MRPL48: variants seen among roughly 807,000 people sequenced by gnomAD.
The protein encoded by MRPL48 is mitochondrial ribosomal protein L48, also known as large ribosomal subunit protein mL48.
Under a neutral mutation model 32.9 loss-of-function variants are expected in MRPL48, and 16 were observed. The observed-to-expected ratio is 0.49, with a 90% CI of 0.33 to 0.74. The LOEUF is 0.74. MRPL48 is among the 30% of genes least tolerant of loss of function. The pLI is 0.02. For missense variants in MRPL48, 206 were observed against 245.3 expected (o/e 0.84, Z 1.07); for synonymous variants, 94 against 89.2 (o/e 1.05, Z -0.31).
chr11:73,851,659 G>A (rs1330712573), intron 5 of MRPL48, among the ~76,000 whole-genome samples: 1 of 152,052 alleles, frequency 6.6e-6, no homozygotes, highest in Non-Finnish European at 1.5e-5. Flanking sequence ...CCTTCTGGAT[G>A]GGGACTGTGT....
At chr11:73,798,427 C>A (rs550399580) in intron 1 of MRPL48, among the ~76,000 whole-genome samples, 2 of 152,158 alleles carry the variant, frequency 1.3e-5, no homozygotes, top group South Asian at 4.2e-4. Context: ...CTTGAGAAAA[C>A]CTGGAGGCAA....
At chr11:73,847,695 C>T (rs1399556765) in intron 5 of MRPL48, among the ~76,000 whole-genome samples, 3 of 152,248 alleles carry the variant, frequency 2.0e-5, no homozygotes, top group African/African-American at 4.8e-5. Flanking sequence ...CTGCCCGCTT[C>T]GGCCTCCCAA....
At chr11:73,824,311 C>A (rs1001963445) in intron 3 of MRPL48, among the ~76,000 whole-genome samples, 1 of 151,308 alleles carries the variant, frequency 6.6e-6, no homozygotes, top group African/African-American at 2.4e-5. Context: ...ACTGTATGGC[C>A]GGGCGCGGTG....
intron 5 of MRPL48, among the ~76,000 whole-genome samples, chr11:73,846,355 G>A (rs779074286): frequency 6.6e-6 from 1 of 151,804 alleles, no homozygotes; most frequent in Non-Finnish European, 1.5e-5. Flanking sequence ...GTCTCACTCT[G>A]TCACCCATGC....
chr11:73,852,968 TTATGTTAAGTGAA>T (rs1948426409), intron 5 of MRPL48, among the ~76,000 whole-genome samples: 1 of 152,200 alleles, frequency 6.6e-6, no homozygotes, highest in African/African-American at 2.4e-5. Context: ...CTGGAGGTTA[TTATGTTAAGTGAA>T]ATAAGCCAGG....
intron 3 of MRPL48, among the ~76,000 whole-genome samples, chr11:73,818,804 TC>T (rs1457128790): frequency 2.6e-5 from 4 of 152,224 alleles, no homozygotes; most frequent in Admixed American, 1.3e-4. Context: ...TGGGTTTAGT[TC>T]TCAGTTTAAT....
Position 73,805,047 on chromosome 11 carries a change from T to C in MRPL48, c.42T>C (p.Asn14=), listed in dbSNP as rs777276497. ...TLEKVLCLRN[N]TIFKQAFSLL... ...TGTAGGTGCTGTGCCTGAGGAACAATACCATTTTTAAGCAAGCCTTTTCTC... is the reference window on the plus strand; with the variant it reads ...TGTAGGTGCTGTGCCTGAGGAACAACACCATTTTTAAGCAAGCCTTTTCTC... The change falls in exon 2 of 8, where the codon AAT becomes AAC. Residue 14 remains asparagine (N), a synonymous_variant. Transcript: ENST00000310614. 1.9e-6 allele frequency: 3 copies of C among 1,589,812 alleles called. No individual in the cohort carries two copies. The highest frequency in any genetic ancestry group is 1.1e-5 in the South Asian group (1 of 87,360).
intron 1 of MRPL48, among the ~76,000 whole-genome samples, chr11:73,802,454 C>T (rs1344474970): frequency 1.3e-5 from 2 of 152,114 alleles, no homozygotes; most frequent in Non-Finnish European, 2.9e-5. Flanking sequence ...AAACTCCATA[C>T]CCCTTAGCAG....
At chr11:73,805,655 CTTT>C (rs147763203) in intron 2 of MRPL48, among the ~76,000 whole-genome samples, 6 of 132,284 alleles carry the variant, frequency 4.5e-5, no homozygotes, top group Admixed American at 7.8e-5. Flanking sequence ...TAAACAGAAC[CTTT>C]TTTTTTTTTT....
chr11:73,825,847 A>G lies in MRPL48; in HGVS notation c.201+51A>G. ...AAAAGGATAATGTGCAGCTTTTGCA[A>G]AAACCTGAAGATCAGATATGTATAG... On this transcript the variant is annotated intron_variant, in intron 4 of 7. Transcript: ENST00000310614. 2.1e-6 allele frequency: 3 copies of G among 1,452,556 alleles called. No homozygotes were observed. In the South Asian group the frequency reaches 3.7e-5, roughly 18 times the overall value. 90.0% of individuals were successfully genotyped at this position (1,452,556 alleles called of 1,614,324 possible). A position where few individuals can be genotyped will look rare whatever the true frequency, so the allele number is the denominator to read the frequency against.
chr11:73,859,893 C>G lies in MRPL48; in HGVS notation c.372-14C>G. The G allele has an allele frequency of 1.9e-6, 3 of 1,612,244 alleles. No homozygotes were observed. The highest frequency in any genetic ancestry group is 2.5e-6 in the Non-Finnish European group (3 of 1,178,772). On this transcript the variant is annotated splice_polypyrimidine_tract_variant and intron_variant, in intron 5 of 7. Transcript: ENST00000310614. ...CAGTGAACACTCACTATAGCTGACT[C>G]TTCCTTCCCACAGTTATGCAATGCC...
At chr11:73,804,195 G>A (rs1360966358) in intron 1 of MRPL48, among the ~76,000 whole-genome samples, 1 of 152,090 alleles carries the variant, frequency 6.6e-6, no homozygotes, top group East Asian at 1.9e-4. Flanking sequence ...TGGGATTATA[G>A]GCATGAGCCA....
chr11:73,815,918 G>T (rs1251752508), intron 3 of MRPL48, among the ~76,000 whole-genome samples: 2 of 151,066 alleles, frequency 1.3e-5, no homozygotes, highest in East Asian at 1.9e-4. Context: ...TAGAGACAGG[G>T]TCTCCCTACG....
intron 4 of MRPL48, among the ~76,000 whole-genome samples, chr11:73,836,028 G>A (rs1179501888): frequency 6.6e-6 from 1 of 151,926 alleles, no homozygotes; most frequent in African/African-American, 2.4e-5. Flanking sequence ...TTTCCTCCTG[G>A]GTTCAAGCAA....
chr11:73,838,246 G>C (rs1670572), intron 4 of MRPL48, among the ~76,000 whole-genome samples: 69,067 of 152,028 alleles, frequency 0.45, 16,889 homozygotes, highest in African/African-American at 0.65. Context: ...GAGAAAAATT[G>C]TGTAGATAAA....
intron 1 of MRPL48, among the ~76,000 whole-genome samples, chr11:73,796,000 A>G (rs1247594658): frequency 2.0e-5 from 3 of 152,062 alleles, no homozygotes; most frequent in African/African-American, 4.8e-5. Context: ...TGATTTGTCT[A>G]TTCTAGTCAT....
chr11:73,816,093 G>T (rs1358325719), intron 3 of MRPL48, among the ~76,000 whole-genome samples: 1 of 151,264 alleles, frequency 6.6e-6, no homozygotes, highest in Non-Finnish European at 1.5e-5. Flanking sequence ...AGGGAGTCTT[G>T]CTCTGTCGCC....
intron 4 of MRPL48, among the ~76,000 whole-genome samples, chr11:73,841,264 G>C (rs1948181562): frequency 6.6e-6 from 1 of 152,174 alleles, no homozygotes. Flanking sequence ...TGTTCATACT[G>C]TGTAACTCAG....
chr11:73,799,835 A>T (rs1947324604), intron 1 of MRPL48, among the ~76,000 whole-genome samples: 1 of 152,144 alleles, frequency 6.6e-6, no homozygotes, highest in East Asian at 1.9e-4. Context: ...ATTAAAGGAG[A>T]TGGTGTTTGG....
Sources: gnomAD v4.1 joint callset for allele counts (sites outside exome capture counted in the v4.1 genomes callset) on GRCh38, gnomAD v4.1.1 for gene constraint, MANE v1.5 for transcripts, NCBI Gene and HGNC (gene_info 2026-07-23, HGNC 2026-07-21) for gene names.